HCRTR2: variants seen among roughly 807,000 people sequenced by gnomAD.
The protein encoded by HCRTR2 is hypocretin receptor 2.
HCRTR2 carries 22 observed loss-of-function variants against 49.0 expected under a neutral mutation model. The observed-to-expected ratio is 0.45, with a 90% CI of 0.32 to 0.64. HCRTR2 has a LOEUF of 0.64. Among genes scored for constraint, HCRTR2 ranks in the 30% least tolerant of loss-of-function variants. The probability of loss-of-function intolerance (pLI) is 0.04; values close to 1 mark genes in which losing one functional copy is unlikely to be tolerated. For missense variants in HCRTR2, 491 were observed against 559.4 expected (o/e 0.88, Z 1.23); for synonymous variants, 236 against 205.3 (o/e 1.15, Z -1.28).
Position 55,153,561 on chromosome 6 carries a change from C to A in HCRTR2, c.-377-20650C>A, listed in dbSNP as rs549438424. 1.4e-4 allele frequency among the ~76,000 whole-genome samples: 21 copies of A among 152,046 alleles called. No homozygotes were observed. The South Asian group carries it at 3.5e-3, about 25-fold the overall frequency. Reference sequence around the variant, plus strand: ...AGTCATTGATGAAAACATCATTATACAATTTGTGACTATATCTCTTTTTAT... The same window carrying A: ...AGTCATTGATGAAAACATCATTATAAAATTTGTGACTATATCTCTTTTTAT... On this transcript the variant is annotated intron_variant, in intron 1 of 7. Transcript: ENST00000615358.
At chr6:55,282,187 G>GTA (rs762461674) in intron 6 of HCRTR2, 38 bp from the exon 7 acceptor site, 1 of 1,423,028 alleles carries the variant, frequency 7.0e-7, no homozygotes, top group African/African-American at 1.4e-5. Context: ...AAGCATTTAT[G>GTA]TATAATTCCT....
At chr6:55,134,187 A>T (rs1764402178) in intron 1 of HCRTR2, among the ~76,000 whole-genome samples, 1 of 151,068 alleles carries the variant, frequency 6.6e-6, no homozygotes, top group Non-Finnish European at 1.5e-5. Flanking sequence ...AGTCCTTTTA[A>T]GTTGAGGAGA....
At chr6:55,271,795 G>A (rs1212439742) in intron 4 of HCRTR2, among the ~76,000 whole-genome samples, 1 of 152,038 alleles carries the variant, frequency 6.6e-6, no homozygotes, top group African/African-American at 2.4e-5. Flanking sequence ...ACTCATTAGA[G>A]AAATATTAAT....
At chr6:55,221,601 C>T (rs1048227398) in intron 1 of HCRTR2, among the ~76,000 whole-genome samples, 2 of 152,072 alleles carry the variant, frequency 1.3e-5, no homozygotes, top group African/African-American at 4.8e-5. Flanking sequence ...ATCACGAGGT[C>T]AGAAGATCGA....
intron 1 of HCRTR2, among the ~76,000 whole-genome samples, chr6:55,144,659 T>C (rs1764555004): frequency 6.6e-6 from 1 of 152,246 alleles, no homozygotes; most frequent in East Asian, 1.9e-4. Flanking sequence ...CAGTTCACAA[T>C]AGGTTCACGC....
intron 1 of HCRTR2, among the ~76,000 whole-genome samples, chr6:55,137,489 A>G (rs1764448851): frequency 6.6e-6 from 1 of 152,236 alleles, no homozygotes; most frequent in African/African-American, 2.4e-5. Flanking sequence ...AGAGCAAGAC[A>G]TTACAAATTC....
intron 1 of HCRTR2, among the ~76,000 whole-genome samples, chr6:55,234,534 G>A (rs1766178404): frequency 6.6e-6 from 1 of 152,012 alleles, no homozygotes; most frequent in Admixed American, 6.6e-5. Context: ...CCTAAAGAAG[G>A]CATCAAATTG....
chr6:55,235,507 A>G (rs548167223), intron 1 of HCRTR2, among the ~76,000 whole-genome samples: 3 of 152,086 alleles, frequency 2.0e-5, no homozygotes, highest in South Asian at 2.1e-4. Context: ...GGTTTGTTTA[A>G]TTTTTCAAAC....
intron 1 of HCRTR2, among the ~76,000 whole-genome samples, chr6:55,158,842 C>A (rs1355760601): frequency 6.6e-6 from 1 of 152,226 alleles, no homozygotes; most frequent in Non-Finnish European, 1.5e-5. Context: ...CTCCCTGGGA[C>A]AGGGCACCTG....
intron 1 of HCRTR2, among the ~76,000 whole-genome samples, chr6:55,177,590 C>T (rs1292268272): frequency 1.3e-5 from 2 of 152,144 alleles, no homozygotes; most frequent in Non-Finnish European, 2.9e-5. Flanking sequence ...CCTTCAGGTC[C>T]AGTCACCATT....
intron 1 of HCRTR2, among the ~76,000 whole-genome samples, chr6:55,159,478 C>G (rs920152989): frequency 5.3e-5 from 8 of 152,092 alleles, no homozygotes; most frequent in Non-Finnish European, 8.8e-5. Flanking sequence ...CAAAACTGGA[C>G]AGAGAATGAG....
At chr6:55,192,413 G>GCGCGCACACACA (rs139180472) in intron 1 of HCRTR2, among the ~76,000 whole-genome samples, 33 of 128,524 alleles carry the variant, frequency 2.6e-4, no homozygotes, top group African/African-American at 6.3e-4. Context: ...GCGCGCGCGC[G>GCGCGCACACACA]CACACACACA....
chr6:55,223,646 AT>A (rs1003045554), intron 1 of HCRTR2, among the ~76,000 whole-genome samples: 4 of 152,084 alleles, frequency 2.6e-5, no homozygotes, highest in African/African-American at 9.7e-5. Context: ...CTCTGTTGAT[AT>A]TTTTTATCAC....
chr6:55,282,035 TATTC>T (rs1337003655), intron 6 of HCRTR2, among the ~76,000 whole-genome samples, 186 bp from the exon 7 acceptor site: 1 of 152,080 alleles, frequency 6.6e-6, no homozygotes, highest in Non-Finnish European at 1.5e-5. Flanking sequence ...TTTATGAAAA[TATTC>T]ATTGTTTCAA....
At chr6:55,171,412 A>T (rs981009516), upstream of HCRTR2, among the ~76,000 whole-genome samples, 3 of 152,180 alleles carry the variant, frequency 2.0e-5, no homozygotes, top group Admixed American at 1.3e-4. Flanking sequence ...TACATCCAGC[A>T]GAAATATTTG....
intron 1 of HCRTR2, among the ~76,000 whole-genome samples, chr6:55,204,520 T>C (rs1765566865): frequency 6.6e-6 from 1 of 152,102 alleles, no homozygotes; most frequent in Admixed American, 6.6e-5. Context: ...AAATATTTTG[T>C]AGGTGTTGTG....
intron 1 of HCRTR2, among the ~76,000 whole-genome samples, chr6:55,153,573 A>G (rs1262763664): frequency 6.6e-6 from 1 of 152,024 alleles, no homozygotes; most frequent in Non-Finnish European, 1.5e-5. Flanking sequence ...ATTTGTGACT[A>G]TATCTCTTTT....
intron 1 of HCRTR2, among the ~76,000 whole-genome samples, chr6:55,235,837 T>A (rs1766204088): frequency 6.6e-6 from 1 of 152,032 alleles, no homozygotes; most frequent in South Asian, 2.1e-4. Context: ...TTGTTTTGGA[T>A]CTCAATTTTT....
Position 55,175,420 on chromosome 6 carries a change from C to T in HCRTR2, c.223+610C>T, listed in dbSNP as rs190530954. Among the ~76,000 whole-genome samples, 235 of 152,134 alleles carry T rather than the reference C, an allele frequency of 1.5e-3. 1 individual carries two copies. In the Middle Eastern group the frequency reaches 0.017, roughly 11 times the overall value. On this transcript the variant is annotated intron_variant, in intron 1 of 6. Transcript: ENST00000370862. The stretch of plus-strand genomic sequence containing the variant: ...GAAGCTGAATTAAACAGGATCCATG[C>T]CTGGAGCAAGAAGGAGGGGCATCGG...
Sources: gnomAD v4.1 joint callset for allele counts (sites outside exome capture counted in the v4.1 genomes callset) on GRCh38, gnomAD v4.1.1 for gene constraint, MANE v1.5 for transcripts, NCBI Gene and HGNC (gene_info 2026-07-23, HGNC 2026-07-21) for gene names.